The following FYB1 variants were observed in gnomAD, a reference collection of about 807,000 sequenced individuals.
FYB1 encodes the protein FYN-binding protein 1.
Under a neutral mutation model 94.1 loss-of-function variants are expected in FYB1, and 41 were observed. The ratio of observed to expected loss-of-function variants is 0.44; its 90% CI spans 0.34 to 0.57. The LOEUF (loss-of-function observed/expected upper bound fraction) is 0.57, where lower values mean the gene tolerates loss of function less well. Ranked by LOEUF, FYB1 falls within the 20% of genes least tolerant of loss-of-function variation. The pLI is 0.02. For missense variants in FYB1, 1,050 were observed against 976.8 expected, an observed-to-expected ratio of 1.07 and a Z score of -1.00; for synonymous variants, 367 against 353.2, an observed-to-expected ratio of 1.04 and a Z score of -0.44.
chr5:39,110,849 TC>T, intron 16 of FYB1: 1 of 318,180 alleles, frequency 3.1e-6, no homozygotes. Context: ...TGTATTCAAC[TC>T]CCCTTTCAGA....
chr5:39,154,509 T>C (rs1232032683), intron 2 of FYB1, among the ~76,000 whole-genome samples: 2 of 151,628 alleles, frequency 1.3e-5, no homozygotes, highest in African/African-American at 2.4e-5. Context: ...TTTTCCTTTT[T>C]TTTTTTTTTC....
intron 1 of FYB1, among the ~76,000 whole-genome samples, chr5:39,231,006 C>G (rs1750708327): frequency 6.6e-6 from 1 of 151,428 alleles, no homozygotes; most frequent in African/African-American, 2.4e-5. Context: ...GGAAAATATA[C>G]TAAAGTGTTG....
At chr5:39,181,469 A>G (rs984501571) in intron 2 of FYB1, among the ~76,000 whole-genome samples, 1 of 152,184 alleles carries the variant, frequency 6.6e-6, no homozygotes, top group Non-Finnish European at 1.5e-5. Flanking sequence ...TCTGTCAGGC[A>G]GGTAGAATTA....
intron 16 of FYB1, among the ~76,000 whole-genome samples, chr5:39,113,539 A>G (rs1251862527): frequency 6.6e-6 from 1 of 152,136 alleles, no homozygotes; most frequent in East Asian, 1.9e-4. Flanking sequence ...TTTGCTTGCT[A>G]CAGTGCAGAT....
chr5:39,262,142 T>C (rs1752251551), intron 1 of FYB1, among the ~76,000 whole-genome samples: 2 of 152,080 alleles, frequency 1.3e-5, no homozygotes. Context: ...AGACTTATTT[T>C]AAAATTTGAC....
rs7704365 is a variant in FYB1, at chr5:39,133,917, A to G, written c.1817+291T>C. ...ATCATATTTCATTAGGCATATCCCT[A>G]AGATCAAGTCATAATGAACATTATA... On this transcript the variant is annotated intron_variant, in intron 9 of 18. Coordinates refer to ENST00000512982, the MANE Select transcript of FYB1 (RefSeq NM_001465.6). Among the ~76,000 whole-genome samples, 50,822 of 152,026 alleles carry G rather than the reference A, an allele frequency of 0.33. 8,946 individuals carry two copies. Among genetic ancestry groups the G allele is most frequent in the African/African-American group, 0.45 (18,661 of 41,466 alleles).
intron 1 of FYB1, among the ~76,000 whole-genome samples, chr5:39,234,191 TA>T (rs1561296335): frequency 6.6e-6 from 1 of 152,114 alleles, no homozygotes. Flanking sequence ...CATGGAAACA[TA>T]AAGAGTATGA....
intron 3 of FYB1, among the ~76,000 whole-genome samples, chr5:39,149,012 A>G (rs1743017890): frequency 6.6e-6 from 1 of 152,238 alleles, no homozygotes; most frequent in Non-Finnish European, 1.5e-5. Context: ...ATTAAAAATG[A>G]TAAACATGCT....
intron 1 of FYB1, among the ~76,000 whole-genome samples, chr5:39,203,954 G>A (rs186386148): frequency 6.6e-6 from 1 of 152,202 alleles, no homozygotes; most frequent in East Asian, 1.9e-4. Context: ...TAAATTTTTA[G>A]TTCTTTTAGA....
intron 2 of FYB1, among the ~76,000 whole-genome samples, chr5:39,173,743 G>A (rs1258809837): frequency 6.9e-6 from 1 of 145,966 alleles, no homozygotes; most frequent in East Asian, 2.8e-4. Flanking sequence ...TCAAAGATCA[G>A]ATAGTTTGTA....
intron 1 of FYB1, among the ~76,000 whole-genome samples, chr5:39,263,569 G>T (rs1214218574): frequency 6.6e-6 from 1 of 152,114 alleles, no homozygotes; most frequent in African/African-American, 2.4e-5. Flanking sequence ...CTAATTGAAG[G>T]AAGTGGATCA....
At chr5:39,118,101 G>A (rs773209664) in intron 16 of FYB1, among the ~76,000 whole-genome samples, 9 of 151,982 alleles carry the variant, frequency 5.9e-5, no homozygotes, top group Admixed American at 1.3e-4. Context: ...ACTAGGTCTC[G>A]CTATGTTGCT....
intron 1 of FYB1, among the ~76,000 whole-genome samples, chr5:39,209,458 T>G (rs1749163632): frequency 6.6e-6 from 1 of 151,660 alleles, no homozygotes; most frequent in Non-Finnish European, 1.5e-5. Context: ...TCCGAGCAGG[T>G]GGGACTACAG....
At chr5:39,132,610 T>C (rs964845631) in intron 9 of FYB1, among the ~76,000 whole-genome samples, 8 of 152,138 alleles carry the variant, frequency 5.3e-5, no homozygotes, top group Admixed American at 1.3e-4. Flanking sequence ...TTCAATAAAA[T>C]GGAAAAAGGT....
chr5:39,226,348 G>A (rs904986128), intron 1 of FYB1, among the ~76,000 whole-genome samples: 18 of 151,748 alleles, frequency 1.2e-4, no homozygotes, highest in African/African-American at 4.1e-4. Flanking sequence ...ATCTTCCTAT[G>A]CTTAACTGGA....
intron 1 of FYB1, among the ~76,000 whole-genome samples, chr5:39,216,251 T>C (rs1015837049): frequency 6.6e-6 from 1 of 152,220 alleles, no homozygotes; most frequent in Non-Finnish European, 1.5e-5. Context: ...CAAATTAAAC[T>C]TTTTTCGTGT....
chr5:39,127,627 G>T, intron 11 of FYB1, 114 bp downstream of exon 11: 1 of 1,122,024 alleles, frequency 8.9e-7, no homozygotes, highest in Non-Finnish European at 1.2e-6. Flanking sequence ...CAAATCATTT[G>T]GGGTAATGTG....
At chr5:39,171,352 T>C (rs1299062864) in intron 2 of FYB1, among the ~76,000 whole-genome samples, 1 of 151,790 alleles carries the variant, frequency 6.6e-6, no homozygotes, top group Non-Finnish European at 1.5e-5. Context: ...TATAGAACAG[T>C]AGTTTTTAAG....
At chr5:39,273,768 T>A (rs1288446588) in intron 1 of FYB1, among the ~76,000 whole-genome samples, 2 of 152,124 alleles carry the variant, frequency 1.3e-5, no homozygotes, top group Admixed American at 6.5e-5. Flanking sequence ...GGTGGCTAGG[T>A]GGAGACTGTG....
Sources: allele counts gnomAD v4.1 joint callset (sites outside exome capture counted in the v4.1 genomes callset), GRCh38; gene constraint gnomAD v4.1.1; transcripts MANE v1.5; gene names NCBI Gene and HGNC (gene_info 2026-07-23, HGNC 2026-07-21).